NATD1: variants seen among roughly 807,000 people sequenced by gnomAD.
NATD1 encodes N-acetyltransferase domain containing 1.
NATD1 carries 9 observed loss-of-function variants against 12.0 expected under a neutral mutation model. The observed-to-expected ratio is 0.75, with a 90% confidence interval of 0.45 to 1.30. The LOEUF (loss-of-function observed/expected upper bound fraction) is 1.30. Among genes scored for constraint, NATD1 ranks in the 50% most tolerant of loss-of-function variants. NATD1 has a pLI of 0.00. For synonymous variants in NATD1, 71 were observed against 65.9 expected, an observed-to-expected ratio of 1.08 and a Z score of -0.37; for missense variants, 148 against 148.5, an observed-to-expected ratio of 1.00 and a Z score of 0.02.
intron 1 of NATD1, among the ~76,000 whole-genome samples, chr17:21,251,310 A>C (rs1290384318): frequency 1.3e-5 from 2 of 151,744 alleles, no homozygotes; most frequent in African/African-American, 2.4e-5. Flanking sequence ...AAAAAAAAAA[A>C]ACAAACGTAT....
chr17:21,251,196 G>T (rs757281923), intron 1 of NATD1, among the ~76,000 whole-genome samples: 4 of 150,612 alleles, frequency 2.7e-5, no homozygotes, highest in Non-Finnish European at 4.4e-5. Context: ...CCAGAAGGGG[G>T]TAAGTTTAGA....
In NATD1 at chr17:21,244,333, G is replaced by A. The variant is rs1018341915; in HGVS notation, c.107-109C>T. 2 of 832,030 alleles carry A rather than the reference G, an allele frequency of 2.4e-6. No individual in the cohort carries two copies. Among genetic ancestry groups the A allele is most frequent in the Non-Finnish European group, 3.7e-6 (2 of 534,766 alleles). 51.5% of individuals were successfully genotyped at this position (832,030 alleles called of 1,614,324 possible). On this transcript the variant is annotated intron_variant, in intron 1 of 2. Coordinates refer to ENST00000611551, the MANE Select transcript of NATD1 (RefSeq NM_152914.3). The surrounding 1 kb of genome is among the most constrained non-coding windows in gnomAD (Gnocchi z 5.2). ...TTGGAGTCATTCAGCTGCTACAGCT[G>A]AATCCTGAATAACCTCTCAGTGCCT...
intron 2 of NATD1, among the ~76,000 whole-genome samples, chr17:21,243,764 CG>C (rs1289388290): frequency 6.6e-6 from 1 of 152,140 alleles, no homozygotes; most frequent in East Asian, 1.9e-4. Context: ...AGGGGAGTGA[CG>C]GTCATTCTTT....
intron 1 of NATD1, among the ~76,000 whole-genome samples, chr17:21,251,072 C>T (rs1975370535): frequency 6.6e-6 from 1 of 152,162 alleles, no homozygotes; most frequent in African/African-American, 2.4e-5. Flanking sequence ...GAGCCCCACC[C>T]TGTGCTGCAC....
chr17:21,244,082 G>T lies in NATD1; in HGVS notation c.225+24C>A. ...AGCCCCCATGTCCCCGTCCCCGCTT[G>T]GCCCTGCCACCTGCCTGCCCTACCT... On this transcript the variant is annotated intron_variant, in intron 2 of 2. Transcript: ENST00000611551. The surrounding 1 kb of genome is among the most constrained non-coding windows in gnomAD (Gnocchi z 5.2). 6.3e-7 allele frequency: 1 copy of T among 1,595,008 alleles called. No individual in the cohort carries two copies. The highest frequency in any genetic ancestry group is 2.2e-5 in the East Asian group (1 of 44,504).
rs75348762 is a variant in NATD1 at position 21,241,129 on chromosome 17, G to A, written c.*2184C>T. 6.6e-6 allele frequency: 1 copy of A among 152,532 alleles called. No homozygotes were observed. The highest frequency in any genetic ancestry group is 2.4e-5 in the African/African-American group (1 of 41,572). 9.4% of individuals were successfully genotyped at this position (152,532 alleles called of 1,614,324 possible). On this transcript the variant is annotated 3_prime_UTR_variant, in exon 3 of 3. Transcript: ENST00000611551. ...ATCAAGAGTCACCTGCTAGAACACA[G>A]GGGTAGGAATCTTAGGTGGGAGTGG...
In NATD1 at chr17:21,244,715, G is replaced by A. The variant is rs1269975190; in HGVS notation, c.107-491C>T. Among the ~76,000 whole-genome samples, 1 of 152,250 alleles carries A rather than the reference G, an allele frequency of 6.6e-6. No homozygotes were observed. Among genetic ancestry groups the A allele is most frequent in the African/African-American group, 2.4e-5 (1 of 41,460 alleles). ...CCTGCTGGACCCTGAGAGAGACGCA[G>A]CAGGAAAGATCAGAGGCCTGTGGTA... is the stretch of plus-strand genomic sequence containing the variant. On this transcript the variant is annotated intron_variant, in intron 1 of 2. Coordinates refer to ENST00000611551, the MANE Select transcript of NATD1 (RefSeq NM_152914.3). The surrounding 1 kb of genome is among the most constrained non-coding windows in gnomAD (Gnocchi z 5.2).
Position 21,242,456 on chromosome 17 carries a change from A to T in NATD1, c.*857T>A, listed in dbSNP as rs967526636. 1.3e-5 allele frequency: 2 copies of T among 152,252 alleles called. No individual in the cohort carries two copies. The highest frequency in any genetic ancestry group is 2.9e-5 in the Non-Finnish European group (2 of 68,080). 9.4% of individuals were successfully genotyped at this position (152,252 alleles called of 1,614,324 possible). On this transcript the variant is annotated 3_prime_UTR_variant, in exon 3 of 3. Transcript: ENST00000611551. Reference sequence around the variant, plus strand: ...TTCACTCCCACCCCAGCCCCAAGGCATCTCCTCGGAGAAGGCTCAGGCAGG... The same window carrying T: ...TTCACTCCCACCCCAGCCCCAAGGCTTCTCCTCGGAGAAGGCTCAGGCAGG...
At position 21,243,249 on chromosome 17, in the gene NATD1, G is replaced by A. The variant is rs1431377413; in HGVS notation, c.*64C>T. On this transcript the variant is annotated 3_prime_UTR_variant, in exon 3 of 3. Transcript: ENST00000611551. The stretch of plus-strand genomic sequence containing the variant: ...AGTGGGACCAGGTTCCTGAGAGCAC[G>A]TGGGGCCAGGCAAAGGCCACGTGGA... The A allele has an allele frequency of 6.7e-6, 9 of 1,344,900 alleles. No individual in the cohort carries two copies. Among genetic ancestry groups the A allele is most frequent in the African/African-American group, 4.4e-5 (3 of 68,934 alleles). The allele number at this position is 1,344,900 out of a possible 1,614,324, so 83.3% of individuals were successfully genotyped here.
chr17:21,247,069 A>G (rs1975331840), intron 1 of NATD1, among the ~76,000 whole-genome samples: 1 of 152,152 alleles, frequency 6.6e-6, no homozygotes, highest in African/African-American at 2.4e-5. Context: ...TGGCAAGCTC[A>G]TTACTACTCC....
chr17:21,247,019 C>T (rs943013758), intron 1 of NATD1, among the ~76,000 whole-genome samples: 6 of 152,166 alleles, frequency 3.9e-5, no homozygotes, highest in African/African-American at 1.4e-4. Context: ...GCTTTTGCTC[C>T]AGCAGTCTCT....
At position 21,244,457 on chromosome 17, in the gene NATD1, T is replaced by C. The variant is rs1269783377; in HGVS notation, c.107-233A>G. Among the ~76,000 whole-genome samples the C allele has an allele frequency of 2.0e-5, 3 of 152,162 alleles. No homozygotes were observed. The highest frequency in any genetic ancestry group is 7.2e-5 in the African/African-American group (3 of 41,440). The stretch of plus-strand genomic sequence containing the variant: ...AACCTCTGTGACGTGCTTACAGCCA[T>C]GCCTAGAACACTTGAGCCCCACATG... On this transcript the variant is annotated intron_variant, in intron 1 of 2. Transcript: ENST00000611551. The surrounding 1 kb of genome is among the most constrained non-coding windows in gnomAD (Gnocchi z 5.2).
Position 21,243,320 on chromosome 17 carries a change from TGCAGGCGCTCCAGGTACTGCG to T in NATD1, c.314_334del (p.Pro105_Leu111del), listed in dbSNP as rs1567644754. 4 of 1,612,204 alleles carry T rather than the reference TGCAGGCGCTCCAGGTACTGCG, an allele frequency of 2.5e-6. No individual in the cohort carries two copies. The highest frequency in any genetic ancestry group is 3.4e-6 in the Non-Finnish European group (4 of 1,179,838). Reference sequence around the variant, plus strand: ...CCCGCCTGCAGGCCAGGGTTACGGCTGCAGGCGCTCCAGGTACTGCGGCAGGGGGTTCTCCTTGACGTACTT... The same window carrying T: ...CCCGCCTGCAGGCCAGGGTTACGGCTGCAGGGGGTTCTCCTTGACGTACTT... On this transcript the variant is annotated inframe_deletion, in exon 3 of 3. Transcript: ENST00000611551.
Position 21,241,871 on chromosome 17 carries a change from G to C in NATD1, c.*1442C>G, listed in dbSNP as rs1265006940. On this transcript the variant is annotated 3_prime_UTR_variant, in exon 3 of 3. Transcript: ENST00000611551. ...GGGGGGTCTCGGTGCCAAGACTGGG[G>C]ATAGCAAGGAGGTGAGTGGGAAATG... The C allele has an allele frequency of 6.6e-6, 1 of 152,544 alleles. No homozygotes were observed. Among genetic ancestry groups the C allele is most frequent in the African/African-American group, 2.4e-5 (1 of 41,204 alleles). 9.4% of individuals were successfully genotyped at this position (152,544 alleles called of 1,614,324 possible).
At chr17:21,251,309 A>C (rs1170590025) in intron 1 of NATD1, among the ~76,000 whole-genome samples, 10 of 151,964 alleles carry the variant, frequency 6.6e-5, no homozygotes, top group South Asian at 4.2e-4. Context: ...AAAAAAAAAA[A>C]AACAAACGTA....
In NATD1 at chr17:21,253,111, C is replaced by T. The variant is rs967764164; in HGVS notation, c.106+48G>A. 8.2e-5 allele frequency: 79 copies of T among 958,062 alleles called. No individual in the cohort carries two copies. In the Admixed American group the frequency reaches 2.3e-3, roughly 28 times the overall value. The allele number at this position is 958,062 out of a possible 1,614,324, so 59.3% of individuals were successfully genotyped here. Reference sequence around the variant, plus strand: ...CAGCAAGGGGGCGGCCCCGGCGGGCCCCGCTCGCTCGCAGACAAAAGGTCG... The same window carrying T: ...CAGCAAGGGGGCGGCCCCGGCGGGCTCCGCTCGCTCGCAGACAAAAGGTCG... On this transcript the variant is annotated intron_variant, in intron 1 of 2. Coordinates refer to ENST00000611551, the MANE Select transcript of NATD1 (RefSeq NM_152914.3).
At chr17:21,248,727 G>A (rs995158968) in intron 1 of NATD1, among the ~76,000 whole-genome samples, 1 of 152,196 alleles carries the variant, frequency 6.6e-6, no homozygotes, top group African/African-American at 2.4e-5. Flanking sequence ...GAGCTGCCTT[G>A]AGAACTCCAG....
intron 2 of NATD1, among the ~76,000 whole-genome samples, chr17:21,243,866 A>C (rs933635701): frequency 6.6e-6 from 1 of 152,146 alleles, no homozygotes; most frequent in African/African-American, 2.4e-5. Flanking sequence ...GGTTGGGGGC[A>C]GGAATGGGGC....
intron 1 of NATD1, among the ~76,000 whole-genome samples, chr17:21,248,747 TAGCACAGGGGGGCAAGACTTGTC>T (rs1975349763): frequency 6.6e-6 from 1 of 152,102 alleles, no homozygotes; most frequent in Admixed American, 6.5e-5. Context: ...GACCTCAGAC[TAGCACAGGGGGGCAAGACTTGTC>T]ACTTGGGAGC....
Sources: gnomAD v4.1 joint callset for allele counts (sites outside exome capture counted in the v4.1 genomes callset) on GRCh38, gnomAD v4.1.1 for gene constraint, Gnocchi (gnomAD v3.1) non-coding constraint, MANE v1.5 for transcripts, NCBI Gene and HGNC (gene_info 2026-07-23, HGNC 2026-07-21) for gene names.